The following UIMC1 variants were observed in gnomAD, a reference collection of about 807,000 sequenced individuals.
UIMC1 encodes the protein BRCA1-A complex subunit RAP80.
In UIMC1, 42 loss-of-function variants were observed where a neutral mutation model predicts 84.9. The ratio of observed to expected loss-of-function variants is 0.49; its 90% CI spans 0.39 to 0.64. UIMC1 has a LOEUF of 0.64. Among genes scored for constraint, UIMC1 ranks in the 30% least tolerant of loss-of-function variants. UIMC1 has a pLI of 0.00. For missense variants in UIMC1, 825 were observed against 847.6 expected (o/e 0.97, Z 0.33); for synonymous variants, 281 against 293.0 (o/e 0.96, Z 0.42).
chr5:176,951,350 A>C, intron 9 of UIMC1, 124 bp downstream of exon 9: 1 of 608,250 alleles, frequency 1.6e-6, no homozygotes, highest in African/African-American at 1.9e-5. Flanking sequence ...TCCCTAACAT[A>C]AGGGCCCCCA....
At chr5:176,956,988 A>T (rs891047197) in intron 7 of UIMC1, among the ~76,000 whole-genome samples, 7 of 152,222 alleles carry the variant, frequency 4.6e-5, no homozygotes, top group African/African-American at 1.7e-4. Flanking sequence ...TGACATTTAT[A>T]AAATGGGCTA....
intron 1 of UIMC1, among the ~76,000 whole-genome samples, chr5:177,003,339 A>G (rs1352107100): frequency 2.0e-5 from 3 of 152,172 alleles, no homozygotes; most frequent in African/African-American, 7.2e-5. Context: ...ATATGGCTGA[A>G]AAAAGTTGTA....
intron 6 of UIMC1, among the ~76,000 whole-genome samples, chr5:176,965,292 G>A (rs910396071): frequency 5.3e-5 from 8 of 151,584 alleles, no homozygotes; most frequent in Admixed American, 2.0e-4. Context: ...GTGTGGTGGC[G>A]GGCACCTGTA....
intron 8 of UIMC1, among the ~76,000 whole-genome samples, chr5:176,955,210 A>G (rs1766443147): frequency 6.6e-6 from 1 of 152,226 alleles, no homozygotes; most frequent in East Asian, 1.9e-4. Flanking sequence ...ATTATTTTGT[A>G]TATCTAAATC....
intron 10 of UIMC1, among the ~76,000 whole-genome samples, chr5:176,920,718 T>C (rs1761601397): frequency 6.6e-6 from 1 of 152,238 alleles, no homozygotes; most frequent in African/African-American, 2.4e-5. Flanking sequence ...ATATAAAAGA[T>C]GTCATCTGAT....
chr5:176,971,255 T>C (rs944970371), intron 3 of UIMC1, among the ~76,000 whole-genome samples: 2 of 152,244 alleles, frequency 1.3e-5, no homozygotes, highest in Non-Finnish European at 1.5e-5. Flanking sequence ...ATGCTCAACA[T>C]TTAGCCAGAA....
intron 1 of UIMC1, among the ~76,000 whole-genome samples, chr5:177,021,449 G>A (rs1425816384): frequency 6.6e-6 from 1 of 152,150 alleles, no homozygotes; most frequent in African/African-American, 2.4e-5. Context: ...TTTTAGATGG[G>A]ATAGCCAGAC....
chr5:176,963,157 T>TAAAAAAAAAAA (rs70991588), intron 6 of UIMC1, among the ~76,000 whole-genome samples: 2 of 13,964 alleles, frequency 1.4e-4, no homozygotes, highest in Non-Finnish European at 1.1e-4. Context: ...AAAAATAAAT[T>TAAAAAAAAAAA]AAAAAAAAAA....
At chr5:176,978,355 A>G (rs1770481013) in intron 2 of UIMC1, among the ~76,000 whole-genome samples, 1 of 152,228 alleles carries the variant, frequency 6.6e-6, no homozygotes, top group African/African-American at 2.4e-5. Flanking sequence ...CCTGGGCGAC[A>G]GAGCGAGACT....
At position 176,905,143 on chromosome 5, in the gene UIMC1, C is replaced by A; in HGVS notation, c.*139G>T. On this transcript the variant is annotated 3_prime_UTR_variant, in exon 15 of 15. Transcript: ENST00000511320. Reference sequence around the variant, plus strand: ...GCATAGATCATAAAAAACATAAAAACCAGAATGCTGGGTAGGTGCTGGTGG... The same window carrying A: ...GCATAGATCATAAAAAACATAAAAAACAGAATGCTGGGTAGGTGCTGGTGG... 3 of 788,462 alleles carry A rather than the reference C, an allele frequency of 3.8e-6. No individual in the cohort carries two copies. Among genetic ancestry groups the A allele is most frequent in the Non-Finnish European group, 6.0e-6 (3 of 503,404 alleles). The allele number at this position is 788,462 out of a possible 1,614,324, so 48.8% of individuals were successfully genotyped here.
At chr5:176,915,241 CTT>C (rs34866468) in intron 10 of UIMC1, among the ~76,000 whole-genome samples, 114 of 139,198 alleles carry the variant, frequency 8.2e-4, no homozygotes, top group Non-Finnish European at 8.4e-4. Flanking sequence ...TATTTTGTTT[CTT>C]TTTTTTTTTT....
chr5:176,911,139 A>AAATTCAG (rs1760123626), intron 11 of UIMC1, among the ~76,000 whole-genome samples, 172 bp downstream of exon 11: 1 of 70,724 alleles, frequency 1.4e-5, no homozygotes, highest in African/African-American at 5.4e-5. Flanking sequence ...AGAAAAGAAA[A>AAATTCAG]GAAAAGAAAA....
At chr5:176,906,771 G>A (rs1402733357) in intron 13 of UIMC1, among the ~76,000 whole-genome samples, 2 of 152,212 alleles carry the variant, frequency 1.3e-5, no homozygotes, top group Non-Finnish European at 2.9e-5. Context: ...ACAATAGAAG[G>A]AAGCAATAAT....
intron 6 of UIMC1, among the ~76,000 whole-genome samples, chr5:176,967,170 C>G (rs554630780): frequency 7.8e-4 from 118 of 152,062 alleles, no homozygotes; most frequent in Non-Finnish European, 1.5e-3. Flanking sequence ...CCACCAATTA[C>G]AGCTACAGAA....
chr5:176,946,630 T>A (rs1765147331), intron 9 of UIMC1, among the ~76,000 whole-genome samples: 1 of 151,256 alleles, frequency 6.6e-6, no homozygotes, highest in Non-Finnish European at 1.5e-5. Context: ...AGGTCAAGAG[T>A]TTGAGACCAG....
upstream of UIMC1, among the ~76,000 whole-genome samples, chr5:177,010,456 C>T (rs1775522157): frequency 6.6e-6 from 1 of 152,108 alleles, no homozygotes; most frequent in African/African-American, 2.4e-5. Context: ...AATAATACCA[C>T]ATGTTTTTGA....
intron 8 of UIMC1, among the ~76,000 whole-genome samples, chr5:176,953,915 T>C (rs968759984): frequency 6.6e-6 from 1 of 152,114 alleles, no homozygotes. Flanking sequence ...TTGGAACAAA[T>C]TTTTTCAGAT....
intron 12 of UIMC1, 147 bp from the exon 13 acceptor site, chr5:176,907,324 G>A: frequency 1.3e-5 from 9 of 699,450 alleles, no homozygotes; most frequent in Non-Finnish European, 2.1e-5. Context: ...AATAAACGAG[G>A]GTTTCACAAG....
chr5:176,925,388 C>A (rs183000332), intron 10 of UIMC1, among the ~76,000 whole-genome samples: 5 of 151,956 alleles, frequency 3.3e-5, no homozygotes, highest in Admixed American at 2.0e-4. Context: ...GCTCATAAAC[C>A]GCTAGTGGGA....
Sources: allele counts gnomAD v4.1 joint callset (sites outside exome capture counted in the v4.1 genomes callset), GRCh38; gene constraint gnomAD v4.1.1; transcripts MANE v1.5; gene names NCBI Gene and HGNC (gene_info 2026-07-23, HGNC 2026-07-21).